The following B3GALT1 variants were observed in gnomAD, a reference collection of about 807,000 sequenced individuals.
B3GALT1 encodes beta-1,3-galactosyltransferase 1, also known as UDP-Gal:betaGlcNAc beta 1,3-galactosyltransferase, polypeptide 1.
B3GALT1 carries 10 observed loss-of-function variants against 23.2 expected under a neutral mutation model. The observed-to-expected ratio is 0.43, with a 90% CI of 0.27 to 0.73. The LOEUF is 0.73. Among genes scored for constraint, B3GALT1 ranks in the 30% least tolerant of loss-of-function variants. The pLI, the probability that B3GALT1 is intolerant of heterozygous loss-of-function variation, is 0.21. For synonymous variants in B3GALT1, 156 were observed against 141.5 expected (o/e 1.10, Z -0.73); for missense variants, 299 against 405.4 (o/e 0.74, Z 2.25).
chr2:167,537,659 A>C lies in B3GALT1; in HGVS notation c.-410+47382A>C, dbSNP rs140540447. Among the ~76,000 whole-genome samples the C allele has an allele frequency of 5.3e-4, 80 of 152,106 alleles. No homozygotes were observed. The East Asian group carries it at 0.012, about 23-fold the overall frequency. On this transcript the variant is annotated intron_variant, in intron 2 of 4. Coordinates refer to ENST00000392690, the MANE Select transcript of B3GALT1 (RefSeq NM_020981.4). Reference sequence around the variant, plus strand: ...CTGATACCATCACAAAGCATCAGCAAATTCCCTCAACTGTACCTCAGAAAT... The same window carrying C: ...CTGATACCATCACAAAGCATCAGCACATTCCCTCAACTGTACCTCAGAAAT...
intron 3 of B3GALT1, among the ~76,000 whole-genome samples, chr2:167,650,786 C>T (rs532085531): frequency 4.4e-4 from 67 of 152,146 alleles, no homozygotes; most frequent in Admixed American, 4.4e-3. Flanking sequence ...TTCTTCATCA[C>T]ATTTTATTTC....
intron 3 of B3GALT1, among the ~76,000 whole-genome samples, chr2:167,739,279 G>A (rs1400298683): frequency 6.6e-6 from 1 of 152,134 alleles, no homozygotes; most frequent in Non-Finnish European, 1.5e-5. Flanking sequence ...TAACTTTCAG[G>A]ATAGCTTGGT....
intron 1 of B3GALT1, among the ~76,000 whole-genome samples, chr2:167,480,750 T>G (rs957511199): frequency 6.6e-6 from 1 of 152,192 alleles, no homozygotes; most frequent in Admixed American, 6.5e-5. Flanking sequence ...TTCTCAAGTT[T>G]CAGAGTTCAC....
chr2:167,669,826 G>A (rs1686290973), intron 3 of B3GALT1, among the ~76,000 whole-genome samples: 1 of 152,056 alleles, frequency 6.6e-6, no homozygotes, highest in Non-Finnish European at 1.5e-5. Context: ...CCCAAGCCAT[G>A]TGGGACACTG....
chr2:167,563,972 CCGGACGGGGCAGCCGG>C (rs1558907337), intron 2 of B3GALT1, among the ~76,000 whole-genome samples: 3 of 143,140 alleles, frequency 2.1e-5, no homozygotes, highest in Admixed American at 6.8e-5. Flanking sequence ...CACCTCCCTT[CCGGACGGGGCAGCCGG>C]CCGGACGGGG....
chr2:167,656,197 C>T (rs1462176321), intron 3 of B3GALT1, among the ~76,000 whole-genome samples: 1 of 152,062 alleles, frequency 6.6e-6, no homozygotes, highest in Non-Finnish European at 1.5e-5. Context: ...TTCCTCCTGC[C>T]CATAATTTTC....
At chr2:167,582,509 A>C (rs561940003) in intron 2 of B3GALT1, among the ~76,000 whole-genome samples, 1 of 152,368 alleles carries the variant, frequency 6.6e-6, no homozygotes, top group East Asian at 1.9e-4. Flanking sequence ...GTAAAGACGT[A>C]CTAAAGATAG....
intron 2 of B3GALT1, among the ~76,000 whole-genome samples, chr2:167,577,503 T>C (rs188254797): frequency 3.5e-4 from 53 of 152,000 alleles, no homozygotes; most frequent in Middle Eastern, 3.4e-3. Flanking sequence ...CAGAATGATA[T>C]ATGTTTAAGA....
At chr2:167,682,268 A>G (rs376925221) in intron 3 of B3GALT1, among the ~76,000 whole-genome samples, 14 of 152,338 alleles carry the variant, frequency 9.2e-5, no homozygotes, top group African/African-American at 3.1e-4. Flanking sequence ...CAAAAGAGAA[A>G]ATAAATAAGA....
chr2:167,380,492 GA>G (rs1317125557), intron 1 of B3GALT1, among the ~76,000 whole-genome samples: 1 of 152,114 alleles, frequency 6.6e-6, no homozygotes, highest in Non-Finnish European at 1.5e-5. Context: ...TCTGGCTGTG[GA>G]AGCCCCTATT....
At chr2:167,729,625 T>A (rs368367026) in intron 3 of B3GALT1, among the ~76,000 whole-genome samples, 4,276 of 152,238 alleles carry the variant, frequency 0.028, 88 homozygotes, top group South Asian at 0.05. Context: ...TTTAAATCTT[T>A]AATAAAGTCT....
At chr2:167,794,912 T>TA (rs112353376) in intron 3 of B3GALT1, among the ~76,000 whole-genome samples, 8 of 152,160 alleles carry the variant, frequency 5.3e-5, no homozygotes, top group African/African-American at 1.4e-4. Context: ...AATATCAAGA[T>TA]AAAAAAGAAA....
chr2:167,553,954 T>G (rs1440591830), intron 2 of B3GALT1, among the ~76,000 whole-genome samples: 1 of 152,056 alleles, frequency 6.6e-6, no homozygotes, highest in Non-Finnish European at 1.5e-5. Context: ...AGGCAAAATG[T>G]CAAAAAAATA....
intron 2 of B3GALT1, among the ~76,000 whole-genome samples, chr2:167,569,490 CCACTTGT>C (rs1684250922): frequency 1.3e-5 from 2 of 151,822 alleles, no homozygotes; most frequent in Non-Finnish European, 2.9e-5. Context: ...ATTCTAAATT[CCACTTGT>C]GCCTTGCTAG....
chr2:167,327,447 C>T (rs1206585732), intron 1 of B3GALT1, among the ~76,000 whole-genome samples: 1 of 151,874 alleles, frequency 6.6e-6, no homozygotes, highest in Non-Finnish European at 1.5e-5. Context: ...TATAGTTTTC[C>T]TTAGAGAGAT....
chr2:167,483,622 TGC>T (rs1699587734), intron 1 of B3GALT1, among the ~76,000 whole-genome samples: 2 of 152,202 alleles, frequency 1.3e-5, no homozygotes, highest in Non-Finnish European at 2.9e-5. Flanking sequence ...TCCCCTAGGT[TGC>T]AGTGGAGAGA....
chr2:167,740,979 T>G (rs1687569353), intron 3 of B3GALT1, among the ~76,000 whole-genome samples: 1 of 152,192 alleles, frequency 6.6e-6, no homozygotes, highest in Admixed American at 6.5e-5. Context: ...TGTCATTGAT[T>G]CAGGGGTAAG....
chr2:167,836,509 A>C (rs1689476009), intron 4 of B3GALT1, among the ~76,000 whole-genome samples: 1 of 152,206 alleles, frequency 6.6e-6, no homozygotes, highest in South Asian at 2.1e-4. Context: ...CAAAGCCTCT[A>C]AGAAATATGG....
intron 2 of B3GALT1, among the ~76,000 whole-genome samples, chr2:167,555,872 C>G (rs1683839301): frequency 6.6e-6 from 1 of 152,158 alleles, no homozygotes; most frequent in African/African-American, 2.4e-5. Flanking sequence ...TCATCTGAGT[C>G]TGAATGGATT....
Sources: allele counts gnomAD v4.1 joint callset (sites outside exome capture counted in the v4.1 genomes callset), GRCh38; gene constraint gnomAD v4.1.1; transcripts MANE v1.5; gene names NCBI Gene and HGNC (gene_info 2026-07-23, HGNC 2026-07-21).